NKAIN2: variants seen among roughly 807,000 people sequenced by gnomAD.
The protein encoded by NKAIN2 is sodium/potassium-transporting ATPase subunit beta-1-interacting protein 2.
NKAIN2 carries 14 observed loss-of-function variants against 32.6 expected under a neutral mutation model. That is an observed-to-expected ratio of 0.43 (90% CI 0.28 to 0.67). NKAIN2 has a LOEUF of 0.67. Ranked by LOEUF, NKAIN2 falls within the 30% of genes least tolerant of loss-of-function variation. NKAIN2 has a pLI of 0.17. For missense variants in NKAIN2, 198 were observed against 258.3 expected, an observed-to-expected ratio of 0.77 and a Z score of 1.60; for synonymous variants, 80 against 87.2, an observed-to-expected ratio of 0.92 and a Z score of 0.46.
intron 1 of NKAIN2, among the ~76,000 whole-genome samples, chr6:123,882,584 G>T (rs1007185520): frequency 6.6e-6 from 1 of 152,072 alleles, no homozygotes; most frequent in Non-Finnish European, 1.5e-5. Flanking sequence ...TCATATATGT[G>T]TATGTTTGGG....
intron 1 of NKAIN2, among the ~76,000 whole-genome samples, chr6:124,146,173 A>T (rs1787386612): frequency 6.6e-6 from 1 of 152,206 alleles, no homozygotes; most frequent in Non-Finnish European, 1.5e-5. Flanking sequence ...CTCAATAAAA[A>T]TGCCAATTTA....
At chr6:124,150,171 A>C (rs2114386772) in intron 1 of NKAIN2, among the ~76,000 whole-genome samples, 1 of 152,134 alleles carries the variant, frequency 6.6e-6, no homozygotes. Flanking sequence ...CTTTCCCTAT[A>C]GTTTTTCCAA....
At chr6:124,332,299 A>G (rs929366473) in intron 2 of NKAIN2, among the ~76,000 whole-genome samples, 8 of 152,100 alleles carry the variant, frequency 5.3e-5, no homozygotes, top group African/African-American at 1.9e-4. Context: ...TTCTTCATGG[A>G]TAGTGAAACA....
At chr6:124,208,209 T>G (rs1017334870) in intron 1 of NKAIN2, among the ~76,000 whole-genome samples, 2 of 151,844 alleles carry the variant, frequency 1.3e-5, no homozygotes, top group African/African-American at 2.4e-5. Flanking sequence ...AGCCTCAATT[T>G]CTTGATATAT....
intron 1 of NKAIN2, among the ~76,000 whole-genome samples, chr6:123,877,858 A>G (rs1038390456): frequency 6.6e-6 from 1 of 152,226 alleles, no homozygotes; most frequent in African/African-American, 2.4e-5. Context: ...ACTTTTAATT[A>G]TAATTTTTGA....
At chr6:123,909,505 A>G (rs540260969) in intron 1 of NKAIN2, among the ~76,000 whole-genome samples, 24 of 152,108 alleles carry the variant, frequency 1.6e-4, no homozygotes, top group Non-Finnish European at 2.8e-4. Context: ...TGCTTGCCAC[A>G]TGGACCTACA....
chr6:124,690,368 T>C (rs1774198926), intron 4 of NKAIN2, among the ~76,000 whole-genome samples: 1 of 152,192 alleles, frequency 6.6e-6, no homozygotes, highest in African/African-American at 2.4e-5. Flanking sequence ...ATTTTCTACA[T>C]AGAGAATCGT....
At chr6:124,514,121 A>G (rs1449586300) in intron 3 of NKAIN2, among the ~76,000 whole-genome samples, 2 of 152,198 alleles carry the variant, frequency 1.3e-5, no homozygotes, top group African/African-American at 4.8e-5. Context: ...AACACATCAC[A>G]CATGTGCACA....
chr6:124,409,882 G>C (rs1774073380), intron 3 of NKAIN2, among the ~76,000 whole-genome samples: 1 of 152,136 alleles, frequency 6.6e-6, no homozygotes, highest in Non-Finnish European at 1.5e-5. Context: ...CCTGTTACTG[G>C]TCTATTCAGA....
At chr6:124,706,580 T>C (rs192944637) in intron 4 of NKAIN2, among the ~76,000 whole-genome samples, 165 of 152,004 alleles carry the variant, frequency 1.1e-3, no homozygotes, top group African/African-American at 3.6e-3. Context: ...ATGAATAAAC[T>C]GAGAAGTTCC....
chr6:124,152,141 G>A (rs1192588802), intron 1 of NKAIN2, among the ~76,000 whole-genome samples: 1 of 151,854 alleles, frequency 6.6e-6, no homozygotes, highest in African/African-American at 2.4e-5. Context: ...TGCATGTGTG[G>A]TGTGAGATAG....
At chr6:124,191,408 AG>A (rs1790015325) in intron 1 of NKAIN2, among the ~76,000 whole-genome samples, 1 of 152,036 alleles carries the variant, frequency 6.6e-6, no homozygotes, top group African/African-American at 2.4e-5. Flanking sequence ...TAATTTAAAA[AG>A]TTTATATTTC....
At chr6:123,974,583 G>A (rs777716534) in intron 1 of NKAIN2, among the ~76,000 whole-genome samples, 3 of 152,146 alleles carry the variant, frequency 2.0e-5, no homozygotes, top group Admixed American at 6.6e-5. Context: ...TGAGCCTGCT[G>A]TATTGGCACA....
At chr6:124,067,253 A>G (rs545121682) in intron 1 of NKAIN2, among the ~76,000 whole-genome samples, 25 of 152,116 alleles carry the variant, frequency 1.6e-4, no homozygotes, top group Non-Finnish European at 3.5e-4. Context: ...TTTGAATCAC[A>G]TATCTCTCTC....
intron 1 of NKAIN2, among the ~76,000 whole-genome samples, chr6:123,884,196 G>A (rs993363067): frequency 1.3e-5 from 2 of 151,982 alleles, no homozygotes; most frequent in Non-Finnish European, 2.9e-5. Context: ...CCCCTTATAA[G>A]TGAGAACATA....
chr6:124,335,753 C>T (rs987936554), intron 2 of NKAIN2, among the ~76,000 whole-genome samples: 3 of 151,994 alleles, frequency 2.0e-5, no homozygotes, highest in Admixed American at 6.6e-5. Flanking sequence ...AATATTTTTT[C>T]GTCTTTCTCA....
intron 1 of NKAIN2, among the ~76,000 whole-genome samples, chr6:124,055,718 A>T (rs539889743): frequency 3.9e-5 from 6 of 152,066 alleles, no homozygotes; most frequent in Middle Eastern, 3.4e-3. Flanking sequence ...AATGTGGAAC[A>T]TTTTCTCCCA....
At chr6:124,176,847 A>G (rs966154673) in intron 1 of NKAIN2, among the ~76,000 whole-genome samples, 12 of 151,942 alleles carry the variant, frequency 7.9e-5, no homozygotes, top group Non-Finnish European at 1.5e-4. Flanking sequence ...CATCTCATAC[A>G]TTTTCCTATT....
intron 1 of NKAIN2, among the ~76,000 whole-genome samples, chr6:124,151,105 A>T (rs193093012): frequency 6.6e-6 from 1 of 151,990 alleles, no homozygotes; most frequent in Admixed American, 6.6e-5. Context: ...TGGGATCTTC[A>T]TATCATTCCT....
Sources: allele counts gnomAD v4.1 joint callset (sites outside exome capture counted in the v4.1 genomes callset), GRCh38; gene constraint gnomAD v4.1.1; transcripts MANE v1.5; gene names NCBI Gene and HGNC (gene_info 2026-07-23, HGNC 2026-07-21).